The following UBE2E2 variants were observed in gnomAD, a reference collection of about 807,000 sequenced individuals.
UBE2E2 encodes the protein ubiquitin-conjugating enzyme E2 E2.
A neutral mutation model predicts 24.7 loss-of-function variants in UBE2E2; 6 were observed. The ratio of observed to expected loss-of-function variants is 0.24; its 90% CI spans 0.13 to 0.48. The LOEUF (loss-of-function observed/expected upper bound fraction) is 0.48, where lower values mean the gene tolerates loss of function less well. Ranked by LOEUF, UBE2E2 falls within the 20% of genes least tolerant of loss-of-function variation. The probability of loss-of-function intolerance (pLI) is 0.99; values close to 1 mark genes in which losing one functional copy is unlikely to be tolerated. For synonymous variants in UBE2E2, 104 were observed against 83.6 expected (o/e 1.24, Z -1.33); for missense variants, 169 against 245.0 (o/e 0.69, Z 2.07).
At chr3:23,220,908 AGT>A (rs1258130322) in intron 3 of UBE2E2, among the ~76,000 whole-genome samples, 1 of 152,226 alleles carries the variant, frequency 6.6e-6, no homozygotes, top group Non-Finnish European at 1.5e-5. Flanking sequence ...CCTCGGTGCT[AGT>A]GGAGAACTGG....
At chr3:23,379,277 G>C (rs1696601503) in intron 3 of UBE2E2, among the ~76,000 whole-genome samples, 1 of 150,116 alleles carries the variant, frequency 6.7e-6, no homozygotes, top group African/African-American at 2.5e-5. Flanking sequence ...AAGTTTTAGG[G>C]TACATGTGCA....
chr3:23,446,060 T>C (rs1698422638), intron 3 of UBE2E2, among the ~76,000 whole-genome samples: 1 of 152,152 alleles, frequency 6.6e-6, no homozygotes, highest in Admixed American at 6.5e-5. Context: ...GATCCATTGG[T>C]CACAGATGCA....
intron 3 of UBE2E2, among the ~76,000 whole-genome samples, chr3:23,254,264 T>C (rs1245090667): frequency 6.6e-6 from 1 of 152,156 alleles, no homozygotes; most frequent in African/African-American, 2.4e-5. Context: ...CCAATCACAC[T>C]TTATTAAATA....
chr3:23,311,078 G>A (rs35869522), intron 3 of UBE2E2, among the ~76,000 whole-genome samples: 10,037 of 152,160 alleles, frequency 0.066, 498 homozygotes, highest in Non-Finnish European at 0.092. Flanking sequence ...TCATTGTTCA[G>A]TTCCCACCTA....
At chr3:23,454,099 AGAG>A (rs1251650352) in intron 3 of UBE2E2, among the ~76,000 whole-genome samples, 14 of 152,202 alleles carry the variant, frequency 9.2e-5, no homozygotes, top group African/African-American at 3.4e-4. Flanking sequence ...TTGAGGAATA[AGAG>A]GAGACTTGTT....
chr3:23,298,268 A>T (rs898215695), intron 3 of UBE2E2, among the ~76,000 whole-genome samples: 4 of 152,238 alleles, frequency 2.6e-5, no homozygotes, highest in South Asian at 2.1e-4. Context: ...TCCTAATTGA[A>T]TGCCCTTTAT....
intron 3 of UBE2E2, among the ~76,000 whole-genome samples, chr3:23,490,309 G>A (rs1468539588): frequency 6.6e-6 from 1 of 152,190 alleles, no homozygotes; most frequent in African/African-American, 2.4e-5. Flanking sequence ...TTTCAGATAA[G>A]AGATACTTAA....
intron 3 of UBE2E2, among the ~76,000 whole-genome samples, chr3:23,290,804 G>A (rs917866101): frequency 6.7e-6 from 1 of 149,634 alleles, no homozygotes; most frequent in Non-Finnish European, 1.5e-5. Flanking sequence ...TGTAATCCCA[G>A]CAGTTCTGGG....
intron 3 of UBE2E2, among the ~76,000 whole-genome samples, chr3:23,455,879 T>C (rs1698667039): frequency 6.6e-6 from 1 of 152,108 alleles, no homozygotes; most frequent in Non-Finnish European, 1.5e-5. Context: ...AACGATGAAA[T>C]TTGTTGCATC....
At chr3:23,460,008 T>G (rs182911221) in intron 3 of UBE2E2, among the ~76,000 whole-genome samples, 1 of 152,280 alleles carries the variant, frequency 6.6e-6, no homozygotes, top group African/African-American at 2.4e-5. Context: ...GTCGAGTGCT[T>G]GTCTCTGTTT....
rs181182041 is a variant in UBE2E2 at position 23,526,855 on chromosome 3, C to G, written c.361-5699C>G. On this transcript the variant is annotated intron_variant, in intron 4 of 5. Transcript: ENST00000396703. Reference sequence around the variant, plus strand: ...CCTTTTGTTATCATTATAAAATATTCAAGTTTAAAACTCTGTCCAGAAATT... The same window carrying G: ...CCTTTTGTTATCATTATAAAATATTGAAGTTTAAAACTCTGTCCAGAAATT... Among the ~76,000 whole-genome samples the G allele has an allele frequency of 5.9e-5, 9 of 152,240 alleles. No homozygotes were observed. In the East Asian group the frequency reaches 1.7e-3, roughly 29 times the overall value.
At chr3:23,460,532 C>G (rs1211244294) in intron 3 of UBE2E2, among the ~76,000 whole-genome samples, 1 of 152,106 alleles carries the variant, frequency 6.6e-6, no homozygotes, top group Non-Finnish European at 1.5e-5. Context: ...AGCAGGTAGA[C>G]TCTATATTGA....
At chr3:23,469,513 C>T (rs377304046) in intron 3 of UBE2E2, among the ~76,000 whole-genome samples, 14 of 152,272 alleles carry the variant, frequency 9.2e-5, no homozygotes, top group South Asian at 2.1e-4. Context: ...ATATCTATGG[C>T]ATCTTCCTCC....
chr3:23,344,839 A>G (rs1395442166), intron 3 of UBE2E2, among the ~76,000 whole-genome samples: 2 of 152,032 alleles, frequency 1.3e-5, no homozygotes, highest in African/African-American at 2.4e-5. Flanking sequence ...AAAAAAATTA[A>G]ATGTTGTATA....
chr3:23,540,662 C>T (rs1271289106), intron 5 of UBE2E2, among the ~76,000 whole-genome samples: 2 of 152,120 alleles, frequency 1.3e-5, no homozygotes, highest in Non-Finnish European at 2.9e-5. Flanking sequence ...CTTGGCCTCC[C>T]GAAGTGCTAG....
intron 3 of UBE2E2, among the ~76,000 whole-genome samples, chr3:23,385,074 G>T (rs1696775544): frequency 6.6e-6 from 1 of 152,126 alleles, no homozygotes; most frequent in Admixed American, 6.5e-5. Context: ...GGGACCACGG[G>T]CGCACACTAC....
At chr3:23,494,552 G>A (rs535645759) in intron 3 of UBE2E2, among the ~76,000 whole-genome samples, 1 of 152,212 alleles carries the variant, frequency 6.6e-6, no homozygotes, top group Admixed American at 6.5e-5. Context: ...GCAAAGTTTT[G>A]GATGTTGGGT....
chr3:23,569,067 G>A (rs1341806224), intron 5 of UBE2E2, among the ~76,000 whole-genome samples: 1 of 152,060 alleles, frequency 6.6e-6, no homozygotes, highest in Non-Finnish European at 1.5e-5. Context: ...TAGCCAAAAA[G>A]TGAAAACAGC....
At chr3:23,263,239 G>T (rs572578039) in intron 3 of UBE2E2, among the ~76,000 whole-genome samples, 1 of 152,068 alleles carries the variant, frequency 6.6e-6, no homozygotes, top group Non-Finnish European at 1.5e-5. Flanking sequence ...AGAACCATAG[G>T]TTTCTTTTAT....
Sources: gnomAD v4.1 joint callset for allele counts (sites outside exome capture counted in the v4.1 genomes callset) on GRCh38, gnomAD v4.1.1 for gene constraint, MANE v1.5 for transcripts, NCBI Gene and HGNC (gene_info 2026-07-23, HGNC 2026-07-21) for gene names.